The following VIPAS39 variants were observed in gnomAD, a reference collection of about 807,000 sequenced individuals.
The protein encoded by VIPAS39 is VPS33B interacting protein, apical-basolateral polarity regulator, spe-39 homolog.
A neutral mutation model predicts 84.7 loss-of-function variants in VIPAS39; 63 were observed. The observed-to-expected ratio is 0.74, with a 90% CI of 0.61 to 0.92. The LOEUF is 0.92. Ranked by LOEUF, VIPAS39 falls within the 40% of genes least tolerant of loss-of-function variation. The pLI, the probability that VIPAS39 is intolerant of heterozygous loss-of-function variation, is 0.00. For missense variants in VIPAS39, 499 were observed against 604.5 expected (o/e 0.83, Z 1.83); for synonymous variants, 192 against 216.5 (o/e 0.89, Z 0.99).
At chr14:77,435,079 T>A in intron 14 of VIPAS39, 180 bp downstream of exon 14, 1 of 875,368 alleles carries the variant, frequency 1.1e-6, no homozygotes, top group Non-Finnish European at 1.8e-6. Context: ...CTTACAAACC[T>A]CTTTTCCCTC....
chr14:77,439,733 G>A (rs2078670828), intron 11 of VIPAS39, among the ~76,000 whole-genome samples: 1 of 151,440 alleles, frequency 6.6e-6, no homozygotes, highest in Admixed American at 6.6e-5. Flanking sequence ...TAAACTATAT[G>A]ATCACGCACC....
At position 77,438,222 on chromosome 14, in the gene VIPAS39, GA is replaced by G. The variant is rs1215046723; in HGVS notation, c.763-342del. Among the ~76,000 whole-genome samples, 13 of 135,098 alleles carry G rather than the reference GA, an allele frequency of 9.6e-5. No individual in the cohort carries two copies. The East Asian group carries it at 1.5e-3, about 15-fold the overall frequency. The allele number at this position is 135,098 out of a possible 152,430, so 88.6% of individuals were successfully genotyped here. The stretch of plus-strand genomic sequence containing the variant: ...TACTATATTGGACAACACAAATATG[GA>G]AAATTTTTTTTTTTTTTTTTTTGAG... On this transcript the variant is annotated intron_variant, in intron 11 of 19. Transcript: ENST00000557658.
intron 7 of VIPAS39, among the ~76,000 whole-genome samples, chr14:77,445,898 C>T (rs904144413): frequency 1.3e-5 from 2 of 150,750 alleles, no homozygotes; most frequent in African/African-American, 2.4e-5. Flanking sequence ...TGAGATCGCA[C>T]CACTGCACTC....
chr14:77,450,662 A>C (rs2078867467), intron 4 of VIPAS39, among the ~76,000 whole-genome samples: 1 of 152,030 alleles, frequency 6.6e-6, no homozygotes, highest in Admixed American at 6.6e-5. Context: ...AGAAGCCCCC[A>C]CCATGCCCGG....
intron 3 of VIPAS39, among the ~76,000 whole-genome samples, chr14:77,451,775 A>G (rs77323063): frequency 6.5e-4 from 99 of 152,226 alleles, no homozygotes; most frequent in African/African-American, 2.1e-3. Flanking sequence ...ACTACAAATT[A>G]AAAATATAAT....
intron 16 of VIPAS39, among the ~76,000 whole-genome samples, chr14:77,432,479 T>C (rs1284798316): frequency 6.6e-6 from 1 of 152,226 alleles, no homozygotes; most frequent in African/African-American, 2.4e-5. Flanking sequence ...CCCATGTTTA[T>C]TGTGGCATTA....
At chr14:77,428,175 C>A (rs769221196) in intron 19 of VIPAS39, among the ~76,000 whole-genome samples, 195 bp downstream of exon 19, 1 of 152,218 alleles carries the variant, frequency 6.6e-6, no homozygotes, top group Non-Finnish European at 1.5e-5. Flanking sequence ...AGATTACCCC[C>A]CTATCATACC....
rs1475012611 is a variant in VIPAS39 at position 77,429,073 on chromosome 14, A to T, written c.1289T>A (p.Leu430Gln). Residue 430 changes from leucine to glutamine, a missense_variant, in exon 18 of 20, where the codon CTG (leucine) becomes CAG (glutamine). Transcript: ENST00000557658. ...CAACTTCGTGTCCACATCTTCCACC[A>T]GATTGACATACTCCTGTAATATCTG... is the stretch of plus-strand genomic sequence containing the variant. The part of the protein sequence containing the change: ...PVQILQEYVN[L>Q]VEDVDTKLNL... 6.2e-7 allele frequency: 1 copy of T among 1,614,000 alleles called. No homozygotes were observed. Among genetic ancestry groups the T allele is most frequent in the Middle Eastern group, 1.7e-4 (1 of 6,060 alleles).
At chr14:77,448,630 A>G in intron 6 of VIPAS39, 80 bp from the exon 7 acceptor site, 2 of 1,409,772 alleles carry the variant, frequency 1.4e-6, no homozygotes, top group Non-Finnish European at 2.0e-6. Context: ...ACTCAAACTC[A>G]GTCTTAGTGT....
chr14:77,434,201 C>T, intron 15 of VIPAS39, 61 bp downstream of exon 15: 5 of 1,510,154 alleles, frequency 3.3e-6, no homozygotes, highest in Non-Finnish European at 4.6e-6. Context: ...TACAAAGCAA[C>T]ATCCACTCCA....
intron 2 of VIPAS39, among the ~76,000 whole-genome samples, chr14:77,453,734 A>G (rs2078919335): frequency 6.6e-6 from 1 of 152,130 alleles, no homozygotes; most frequent in African/African-American, 2.4e-5. Context: ...ACAAAGATAA[A>G]TCTTCCAATC....
chr14:77,438,226 ATTTT>A (rs34877078), intron 11 of VIPAS39, among the ~76,000 whole-genome samples: 2 of 132,010 alleles, frequency 1.5e-5, no homozygotes, highest in Non-Finnish European at 1.7e-5. Flanking sequence ...AATATGGAAA[ATTTT>A]TTTTTTTTTT....
intron 16 of VIPAS39, among the ~76,000 whole-genome samples, chr14:77,430,283 A>C (rs2078500429): frequency 6.6e-6 from 1 of 152,260 alleles, no homozygotes; most frequent in South Asian, 2.1e-4. Flanking sequence ...CTTTGTTAAT[A>C]TAACTAATTA....
intron 3 of VIPAS39, among the ~76,000 whole-genome samples, chr14:77,452,398 T>C (rs1167822309): frequency 6.6e-6 from 1 of 151,776 alleles, no homozygotes; most frequent in Non-Finnish European, 1.5e-5. Flanking sequence ...AACTTTTCAC[T>C]GTAGACCTTT....
chr14:77,431,876 C>T (rs1390709128), intron 16 of VIPAS39, among the ~76,000 whole-genome samples: 1 of 152,020 alleles, frequency 6.6e-6, no homozygotes, highest in Admixed American at 6.5e-5. Context: ...ATATCTGTAA[C>T]TTACAAAAAT....
rs191397254 is a variant in VIPAS39 at position 77,433,767 on chromosome 14, G to A, written c.1179+75C>T. On this transcript the variant is annotated intron_variant, in intron 16 of 19. Transcript: ENST00000557658. ...AAAAGTTGGAGGAAAAATGTAAACC[G>A]GTAACTAGAACTTATAACATGATAG... The A allele has an allele frequency of 1.5e-4, 224 of 1,450,784 alleles. 1 individual carries two copies. The African/African-American group carries it at 1.8e-3, about 12-fold the overall frequency. The allele number at this position is 1,450,784 out of a possible 1,614,324, so 89.9% of individuals were successfully genotyped here. A position where few individuals can be genotyped will look rare whatever the true frequency, so the allele number is the denominator to read the frequency against.
rs764577623 is a variant in VIPAS39 at position 77,433,854 on chromosome 14, T to C, written c.1167A>G (p.Leu389=). The C allele has an allele frequency of 5.9e-5, 96 of 1,613,826 alleles. No homozygotes were observed. The highest frequency in any genetic ancestry group is 7.9e-5 in the Non-Finnish European group (93 of 1,179,918). Residue 389 remains leucine (L), a synonymous_variant, in exon 16 of 20, where the codon CTA becomes CTG. Transcript: ENST00000557658. Reference sequence around the variant, plus strand: ...GCAGGGCACACACCTTTGTGGTGAATAGGGCATCTACATCATTCCAGGCTC... The same window carrying C: ...GCAGGGCACACACCTTTGTGGTGAACAGGGCATCTACATCATTCCAGGCTC... ...KLRAWNDVDA[L]FTTKNWLGYT...
chr14:77,457,107 C>T (rs2078971816), intron 1 of VIPAS39: 1 of 1,411,500 alleles, frequency 7.1e-7, no homozygotes, highest in South Asian at 1.6e-5. Context: ...AGAAGTCAGA[C>T]TTGGTTTCAA....
In VIPAS39 at chr14:77,429,784, G is replaced by T. The variant is rs953870752; in HGVS notation, c.1180-17C>A. ...CAGCCAGTTCTGAAAGAGGAAGATGGGGTAGCGGCAGGTAGGCCAGGCACA... is the reference window on the plus strand; with the variant it reads ...CAGCCAGTTCTGAAAGAGGAAGATGTGGTAGCGGCAGGTAGGCCAGGCACA... On this transcript the variant is annotated splice_polypyrimidine_tract_variant and intron_variant, in intron 16 of 19. Transcript: ENST00000557658. 6.2e-7 allele frequency: 1 copy of T among 1,612,410 alleles called. No homozygotes were observed. The highest frequency in any genetic ancestry group is 8.5e-7 in the Non-Finnish European group (1 of 1,178,410).
Sources: gnomAD v4.1 joint callset for allele counts (sites outside exome capture counted in the v4.1 genomes callset) on GRCh38, gnomAD v4.1.1 for gene constraint, MANE v1.5 for transcripts, NCBI Gene and HGNC (gene_info 2026-07-23, HGNC 2026-07-21) for gene names.